Variants in UGCG observed in about 807,000 individuals in gnomAD.
The protein encoded by UGCG is ceramide glucosyltransferase.
UGCG carries 10 observed loss-of-function variants against 49.5 expected under a neutral mutation model. The ratio of observed to expected loss-of-function variants is 0.20; its 90% CI spans 0.12 to 0.34. UGCG has a LOEUF of 0.34. Among genes scored for constraint, UGCG ranks in the 10% least tolerant of loss-of-function variants. UGCG has a pLI of 1.00. For missense variants in UGCG, 312 were observed against 483.7 expected, an observed-to-expected ratio of 0.65 and a Z score of 3.33; for synonymous variants, 182 against 158.2, an observed-to-expected ratio of 1.15 and a Z score of -1.13.
intron 2 of UGCG, among the ~76,000 whole-genome samples, chr9:111,916,533 A>C (rs550535753): frequency 2.6e-4 from 39 of 152,222 alleles, no homozygotes; most frequent in Admixed American, 2.2e-3. Context: ...ATAGTGGCAC[A>C]GTCGTGGCTC....
rs963365111 is a variant in UGCG at position 111,933,648 on chromosome 9, A to G, written c.*651A>G. The G allele has an allele frequency of 2.6e-5, 4 of 152,220 alleles. No homozygotes were observed. Among genetic ancestry groups the G allele is most frequent in the South Asian group, 4.1e-4 (2 of 4,834 alleles). The allele number at this position is 152,220 out of a possible 1,614,324, so 9.4% of individuals were successfully genotyped here. A position where few individuals can be genotyped will look rare whatever the true frequency, so the allele number is the denominator to read the frequency against. ...TAGTATTTATATGAATCTGTGAGAG[A>G]TAATTTTTTTGGTCTCACTGCAATG... On this transcript the variant is annotated 3_prime_UTR_variant, in exon 9 of 9. Coordinates refer to ENST00000374279, the MANE Select transcript of UGCG (RefSeq NM_003358.3).
chr9:111,932,590 GTTAA>G (rs1226430888), intron 8 of UGCG, among the ~76,000 whole-genome samples: 2 of 152,180 alleles, frequency 1.3e-5, no homozygotes, highest in Non-Finnish European at 2.9e-5. Context: ...AAAACATGAA[GTTAA>G]TTAAATCAGT....
chr9:111,922,973 A>G, intron 3 of UGCG, 22 bp downstream of exon 3: 1 of 1,495,418 alleles, frequency 6.7e-7, no homozygotes, highest in East Asian at 2.3e-5. Flanking sequence ...ATTCTGTAGT[A>G]ACCATTTTCC....
At position 111,905,509 on chromosome 9, in the gene UGCG, G is replaced by T. The variant is rs535087141; in HGVS notation, c.98+8196G>T. 2.0e-5 allele frequency among the ~76,000 whole-genome samples: 3 copies of T among 151,192 alleles called. No individual in the cohort carries two copies. In the South Asian group the frequency reaches 6.3e-4, roughly 32 times the overall value. On this transcript the variant is annotated intron_variant, in intron 1 of 8. Transcript: ENST00000374279. ...TCGATCTTGTCATCCAGGCTGGAGT[G>T]CAGTGGCACAATCTTGGCTCACTGC...
intron 1 of UGCG, among the ~76,000 whole-genome samples, chr9:111,905,101 C>A (rs900093117): frequency 3.3e-5 from 5 of 152,068 alleles, no homozygotes; most frequent in Non-Finnish European, 7.4e-5. Context: ...TCTGTTCCAC[C>A]CTTTGGCCCT....
rs140017687 is a variant in UGCG, at chr9:111,912,987, G to A, written c.99-1618G>A. On this transcript the variant is annotated intron_variant, in intron 1 of 8. Coordinates refer to ENST00000374279, the MANE Select transcript of UGCG (RefSeq NM_003358.3). ...CTACAGCACACACCTGCCTTAGTTAGAGACCAAGCCCATGGCTAAGTGGTC... is the reference window on the plus strand; with the variant it reads ...CTACAGCACACACCTGCCTTAGTTAAAGACCAAGCCCATGGCTAAGTGGTC... Among the ~76,000 whole-genome samples the A allele has an allele frequency of 2.2e-3, 330 of 152,302 alleles. 1 individual carries two copies. The highest frequency in any genetic ancestry group is 7.4e-3 in the African/African-American group (309 of 41,562).
At chr9:111,927,386 A>G (rs1838334307) in intron 5 of UGCG, among the ~76,000 whole-genome samples, 1 of 152,136 alleles carries the variant, frequency 6.6e-6, no homozygotes, top group Admixed American at 6.5e-5. Context: ...TAAGATGCAA[A>G]AAAACAAAAA....
At chr9:111,922,731 T>C in intron 2 of UGCG, 118 bp from the exon 3 acceptor site, 1 of 595,668 alleles carries the variant, frequency 1.7e-6, no homozygotes. Flanking sequence ...TGCTCTCTTT[T>C]AAAACTTTGC....
chr9:111,921,751 A>AG (rs2118567748), intron 2 of UGCG, among the ~76,000 whole-genome samples: 1 of 150,102 alleles, frequency 6.7e-6, no homozygotes, highest in South Asian at 2.1e-4. Context: ...TTCTGACTCA[A>AG]AAGTCTAAAA....
intron 1 of UGCG, among the ~76,000 whole-genome samples, chr9:111,906,423 G>GTGTTT (rs374371753): frequency 0.032 from 4,849 of 151,562 alleles, 106 homozygotes; most frequent in African/African-American, 0.054. Flanking sequence ...TTTTGTGTGT[G>GTGTTT]TGTTTTGTTT....
At chr9:111,914,204 T>C (rs1003562472) in intron 1 of UGCG, among the ~76,000 whole-genome samples, 18 of 152,190 alleles carry the variant, frequency 1.2e-4, no homozygotes, top group African/African-American at 4.1e-4. Flanking sequence ...ATGTATTTTA[T>C]TGAAATGCCT....
Position 111,933,066 on chromosome 9 carries a change from T to A in UGCG, c.*69T>A. On this transcript the variant is annotated 3_prime_UTR_variant, in exon 9 of 9. Transcript: ENST00000374279. The stretch of plus-strand genomic sequence containing the variant: ...ATAAATTATGTTTATATAAATGCTT[T>A]TAAAAATCTACCTTCTGTAGTTTTA... The A allele has an allele frequency of 7.0e-6, 9 of 1,286,554 alleles. No individual in the cohort carries two copies. The highest frequency in any genetic ancestry group is 9.0e-6 in the Non-Finnish European group (9 of 1,001,670). 79.7% of individuals were successfully genotyped at this position (1,286,554 alleles called of 1,614,324 possible).
chr9:111,921,766 G>T (rs1410906570), intron 2 of UGCG, among the ~76,000 whole-genome samples: 1 of 141,120 alleles, frequency 7.1e-6, no homozygotes, highest in Non-Finnish European at 1.5e-5. Flanking sequence ...CTAAAATAGG[G>T]TCCAATTCTC....
At chr9:111,928,469 C>T (rs1478283046) in intron 5 of UGCG, among the ~76,000 whole-genome samples, 1 of 152,198 alleles carries the variant, frequency 6.6e-6, no homozygotes, top group Non-Finnish European at 1.5e-5. Context: ...CTGGAAGTCA[C>T]TCTGCCATAC....
At chr9:111,924,997 C>T in intron 4 of UGCG, 119 bp downstream of exon 4, 1 of 450,312 alleles carries the variant, frequency 2.2e-6, no homozygotes, top group Non-Finnish European at 3.5e-6. Flanking sequence ...TTTATTTCAT[C>T]ATCATTTCAT....
At chr9:111,931,739 T>A (rs529495498) in intron 7 of UGCG, among the ~76,000 whole-genome samples, 38 of 152,186 alleles carry the variant, frequency 2.5e-4, no homozygotes, top group South Asian at 6.2e-4. Context: ...TTAAAAAAAA[T>A]TTTTAGGTTG....
In UGCG at chr9:111,924,821, C is replaced by A; in HGVS notation, c.388C>A (p.Pro130Thr). 1 of 1,539,816 alleles carries A rather than the reference C, an allele frequency of 6.5e-7. No individual in the cohort carries two copies. Among genetic ancestry groups the A allele is most frequent in the South Asian group, 1.4e-5 (1 of 73,582 alleles). The change falls in exon 4 of 9, where the codon CCA becomes ACA. Residue 130 changes from proline to threonine, a missense_variant. This residue lies in a region of UGCG where 64 missense variants were observed against 67.6 expected (regional missense o/e 0.95). Coordinates refer to ENST00000374279, the MANE Select transcript of UGCG (RefSeq NM_003358.3). ...GINPKINNLM[P>T]GYEVAKYDLI... Reference sequence around the variant, plus strand: ...TAATCCTAAAATTAATAATTTAATGCCAGGATATGAAGTTGCAAAGTATGA... The same window carrying A: ...TAATCCTAAAATTAATAATTTAATGACAGGATATGAAGTTGCAAAGTATGA...
At chr9:111,923,896 G>A (rs1026949028) in intron 3 of UGCG, among the ~76,000 whole-genome samples, 8 of 152,248 alleles carry the variant, frequency 5.3e-5, no homozygotes, top group Middle Eastern at 3.4e-3. Context: ...CTCCCAAAGT[G>A]CTGGGATTAT....
At chr9:111,920,528 C>G (rs1043983297) in intron 2 of UGCG, among the ~76,000 whole-genome samples, 7 of 151,886 alleles carry the variant, frequency 4.6e-5, no homozygotes, top group African/African-American at 1.7e-4. Context: ...ACCATGCCTG[C>G]TAATTATTGC....
Sources: gnomAD v4.1 joint callset for allele counts (sites outside exome capture counted in the v4.1 genomes callset) on GRCh38, gnomAD v4.1.1 for gene constraint, gnomAD v4.1.1 regional missense constraint, MANE v1.5 for transcripts, NCBI Gene and HGNC (gene_info 2026-07-23, HGNC 2026-07-21) for gene names.